STAM2: variants seen among roughly 807,000 people sequenced by gnomAD.
The protein encoded by STAM2 is signal transducing adapter molecule 2.
In STAM2, 51 loss-of-function variants were observed where a neutral mutation model predicts 65.6. The ratio of observed to expected loss-of-function variants is 0.78; its 90% CI spans 0.62 to 0.98. STAM2 has a LOEUF of 0.98. Among genes scored for constraint, STAM2 ranks in the 50% least tolerant of loss-of-function variants. STAM2 has a pLI of 0.00. For synonymous variants in STAM2, 198 were observed against 208.4 expected (o/e 0.95, Z 0.43); for missense variants, 584 against 617.8 (o/e 0.95, Z 0.58).
chr2:152,129,055 T>C (rs531112145), intron 11 of STAM2, among the ~76,000 whole-genome samples: 3 of 152,200 alleles, frequency 2.0e-5, no homozygotes, highest in Non-Finnish European at 4.4e-5. Flanking sequence ...AAAATGCCAG[T>C]TGGCCTATTC....
chr2:152,133,350 G>A lies in STAM2; in HGVS notation c.882+52C>T, dbSNP rs1689097621. On this transcript the variant is annotated intron_variant, in intron 9 of 13. Transcript: ENST00000263904. ...CTCTTTCCAAGCATTCTCAAAGATA[G>A]TACATTTAAATGTCTTGATAGTTTA... The A allele has an allele frequency of 1.9e-6, 3 of 1,541,990 alleles. No individual in the cohort carries two copies. The Admixed American group carries it at 5.2e-5, about 27-fold the overall frequency.
At chr2:152,169,546 G>C (rs998931835) in intron 1 of STAM2, among the ~76,000 whole-genome samples, 4 of 152,152 alleles carry the variant, frequency 2.6e-5, no homozygotes, top group Non-Finnish European at 5.9e-5. Flanking sequence ...GCAGGTGTGA[G>C]TCACTGCACC....
At chr2:152,123,466 G>C (rs186823610) in intron 13 of STAM2, among the ~76,000 whole-genome samples, 2 of 152,274 alleles carry the variant, frequency 1.3e-5, no homozygotes, top group Admixed American at 1.3e-4. Context: ...ATTTTTAGGA[G>C]TGCATGCAGA....
chr2:152,141,038 T>C (rs1206283960), intron 7 of STAM2, among the ~76,000 whole-genome samples: 5 of 149,498 alleles, frequency 3.3e-5, no homozygotes, highest in Admixed American at 1.3e-4. Context: ...ACTCAGGAGG[T>C]TGAGGTGGGA....
At chr2:152,147,064 G>A in intron 5 of STAM2, 98 bp downstream of exon 5, 2 of 1,175,904 alleles carry the variant, frequency 1.7e-6, no homozygotes, top group Non-Finnish European at 1.2e-6. Context: ...AGTAAAGGTG[G>A]AAAATGATAA....
At chr2:152,174,802 AC>A (rs1283438154) in intron 1 of STAM2, among the ~76,000 whole-genome samples, 1 of 152,120 alleles carries the variant, frequency 6.6e-6, no homozygotes, top group African/African-American at 2.4e-5. Context: ...ACATAGTGAG[AC>A]CCAGACTTTC....
chr2:152,144,863 A>G, intron 6 of STAM2, 25 bp downstream of exon 6: 3 of 1,605,856 alleles, frequency 1.9e-6, no homozygotes, highest in Non-Finnish European at 2.6e-6. Flanking sequence ...AAGCAACACT[A>G]AATTACATGT....
rs1407914664 is a variant in STAM2, at chr2:152,120,736, A to C, written c.1416T>G (p.Thr472=). 1 of 1,614,228 alleles carries C rather than the reference A, an allele frequency of 6.2e-7. No individual in the cohort carries two copies. Among genetic ancestry groups the C allele is most frequent in the African/African-American group, 1.3e-5 (1 of 75,060 alleles). The change falls in exon 14 of 14, where the codon ACT becomes ACG. Residue 472 remains threonine (T), a synonymous_variant. Transcript: ENST00000263904. ...TTTGCTGTGTGTAAGCAGTTGTACCAGTAGCTGACTGTAGGTTAGAGTTCT... is the reference window on the plus strand; with the variant it reads ...TTTGCTGTGTGTAAGCAGTTGTACCCGTAGCTGACTGTAGGTTAGAGTTCT... ...MNQNSNLQSA[T]GTTAYTQQMG...
At chr2:152,170,256 C>A (rs939201249) in intron 1 of STAM2, among the ~76,000 whole-genome samples, 1 of 151,236 alleles carries the variant, frequency 6.6e-6, no homozygotes, top group South Asian at 2.1e-4. Flanking sequence ...CCAAGACGGG[C>A]GGATCACGAG....
chr2:152,166,898 T>C (rs1277336857), intron 1 of STAM2, among the ~76,000 whole-genome samples: 1 of 152,222 alleles, frequency 6.6e-6, no homozygotes, highest in African/African-American at 2.4e-5. Flanking sequence ...GTCACTACAA[T>C]TCTCATATTG....
At position 152,150,060 on chromosome 2, in the gene STAM2, CATTTTCCTCTCAAAGTTACATCACAAAA is replaced by C. The variant is rs1689413247; in HGVS notation, c.125+57_125+84del. 3 of 903,396 alleles carry C rather than the reference CATTTTCCTCTCAAAGTTACATCACAAAA, an allele frequency of 3.3e-6. No homozygotes were observed. The South Asian group carries it at 4.5e-5, about 13-fold the overall frequency. The allele number at this position is 903,396 out of a possible 1,614,324, so 56.0% of individuals were successfully genotyped here. On this transcript the variant is annotated intron_variant, in intron 2 of 13. Coordinates refer to ENST00000263904, the MANE Select transcript of STAM2 (RefSeq NM_005843.6). ...TCAAGGGTCAACTGTGATAAAGTCTCATTTTCCTCTCAAAGTTACATCACAAAAAGAGACACTGGTTATCAAGTTCCTA... is the reference window on the plus strand; with the variant it reads ...TCAAGGGTCAACTGTGATAAAGTCTCAGAGACACTGGTTATCAAGTTCCTA...
At chr2:152,164,903 C>A (rs946514188) in intron 1 of STAM2, among the ~76,000 whole-genome samples, 2 of 152,080 alleles carry the variant, frequency 1.3e-5, no homozygotes, top group Non-Finnish European at 2.9e-5. Flanking sequence ...CTGGGGCCAG[C>A]CTTTATTTTC....
intron 1 of STAM2, among the ~76,000 whole-genome samples, chr2:152,163,836 C>T (rs1689729444): frequency 6.6e-6 from 1 of 152,164 alleles, no homozygotes; most frequent in South Asian, 2.1e-4. Flanking sequence ...CTGCAGTACC[C>T]TCAGGCTTAC....
rs1448668254 is a variant in STAM2 at position 152,118,759 on chromosome 2, A to C, written c.*1815T>G. 1.3e-5 allele frequency: 2 copies of C among 152,010 alleles called. No homozygotes were observed. Among genetic ancestry groups the C allele is most frequent in the African/African-American group, 4.8e-5 (2 of 41,424 alleles). The allele number at this position is 152,010 out of a possible 1,614,324, so 9.4% of individuals were successfully genotyped here. A position where few individuals can be genotyped will look rare whatever the true frequency, so the allele number is the denominator to read the frequency against. ...GTAAATAACAGAAGATTTGTTTCCAAAAAGTAAGGTGCCATTCAGAAGTAT... is the reference window on the plus strand; with the variant it reads ...GTAAATAACAGAAGATTTGTTTCCACAAAGTAAGGTGCCATTCAGAAGTAT... On this transcript the variant is annotated 3_prime_UTR_variant, in exon 14 of 14. Coordinates refer to ENST00000263904, the MANE Select transcript of STAM2 (RefSeq NM_005843.6).
chr2:152,149,201 C>T (rs181443069), intron 2 of STAM2, among the ~76,000 whole-genome samples: 9 of 152,224 alleles, frequency 5.9e-5, no homozygotes, highest in Admixed American at 2.6e-4. Flanking sequence ...AGTTCCCATA[C>T]ATATAGAAGT....
chr2:152,130,918 C>A (rs1262335629), intron 11 of STAM2, among the ~76,000 whole-genome samples: 1 of 149,738 alleles, frequency 6.7e-6, no homozygotes, highest in African/African-American at 2.5e-5. Context: ...ATGGCTTGAA[C>A]CCTGGAGGTG....
rs1688835290 is a variant in STAM2 at position 152,120,683 on chromosome 2, T to C, written c.1469A>G (p.Tyr490Cys). The change falls in exon 14 of 14, where the codon TAT becomes TGT. Residue 490 changes from tyrosine (Y) to cysteine (C), a missense_variant. Physicochemically the swap from Tyr to Cys is radical, Grantham distance 194 (BLOSUM62 -2). Transcript: ENST00000263904. ...AGGCAAATTGGAAGTAGTGTTCTGA[T>C]AAGATGACATATCCACAGACATCCC... ...QMGMSVDMSS[Y>C]QNTTSNLPQL... 2.5e-6 allele frequency: 4 copies of C among 1,614,058 alleles called. No individual in the cohort carries two copies. Among genetic ancestry groups the C allele is most frequent in the South Asian group, 2.2e-5 (2 of 91,088 alleles).
At chr2:152,122,059 T>A (rs111938104) in intron 13 of STAM2, among the ~76,000 whole-genome samples, 26,772 of 111,464 alleles carry the variant, frequency 0.24, 2,807 homozygotes, top group East Asian at 0.54. Context: ...AAAAAAAAAA[T>A]ATATATATAT....
At chr2:152,122,056 A>AT (rs1376691748) in intron 13 of STAM2, among the ~76,000 whole-genome samples, 149 of 101,502 alleles carry the variant, frequency 1.5e-3, no homozygotes, top group African/African-American at 5.3e-3. Flanking sequence ...CCCAAAAAAA[A>AT]AATATATATA....
Sources: allele counts gnomAD v4.1 joint callset (sites outside exome capture counted in the v4.1 genomes callset), GRCh38; gene constraint gnomAD v4.1.1; transcripts MANE v1.5; gene names NCBI Gene and HGNC (gene_info 2026-07-23, HGNC 2026-07-21).